The following USP24 variants were observed in gnomAD, a reference collection of about 807,000 sequenced individuals.
USP24 encodes the protein ubiquitin specific peptidase 24, also known as ubiquitin carboxyl-terminal hydrolase 24.
In USP24, 97 loss-of-function variants were observed where a neutral mutation model predicts 361.6. The observed-to-expected ratio is 0.27, with a 90% CI of 0.23 to 0.32. USP24 has a LOEUF of 0.32. Ranked by LOEUF, USP24 falls within the 10% of genes least tolerant of loss-of-function variation. The probability of loss-of-function intolerance (pLI) is 1.00; values close to 1 mark genes in which losing one functional copy is unlikely to be tolerated. For synonymous variants in USP24, 1,098 were observed against 1,124.6 expected, an observed-to-expected ratio of 0.98 and a Z score of 0.47; for missense variants, 2,353 against 3,165.6, an observed-to-expected ratio of 0.74 and a Z score of 6.16.
At chr1:55,180,807 C>G (rs1049782016) in intron 1 of USP24, among the ~76,000 whole-genome samples, 1 of 152,198 alleles carries the variant, frequency 6.6e-6, no homozygotes, top group Admixed American at 6.5e-5. Context: ...GATTTGTTTG[C>G]CCCTCACTAG....
intron 1 of USP24, among the ~76,000 whole-genome samples, chr1:55,191,165 T>A: frequency 6.6e-6 from 1 of 152,274 alleles, no homozygotes; most frequent in East Asian, 1.9e-4. Flanking sequence ...ATCTTGTGTA[T>A]TCAGTTGTTC....
At chr1:55,070,224 G>C (rs1489644725) in intron 67 of USP24, among the ~76,000 whole-genome samples, 1 of 152,114 alleles carries the variant, frequency 6.6e-6, no homozygotes, top group East Asian at 1.9e-4. Flanking sequence ...AGGTCTTTAA[G>C]GTATGCCAAG....
Position 55,178,081 on chromosome 1 carries a change from T to C in USP24, c.376A>G (p.Thr126Ala), listed in dbSNP as rs1444500071. The C allele has an allele frequency of 1.9e-6, 3 of 1,551,582 alleles. No homozygotes were observed. The highest frequency in any genetic ancestry group is 2.0e-5 in the Admixed American group (1 of 51,004). Reference protein sequence around the residue: ...CSGEGIEFPTTNLYELESRVL... With the variant: ...CSGEGIEFPTANLYELESRVL... ...CGGCTTTCCAGTTCATATAAATTTGTTGTAGGGAATTCAATTCCTTCCCCT... is the reference window on the plus strand; with the variant it reads ...CGGCTTTCCAGTTCATATAAATTTGCTGTAGGGAATTCAATTCCTTCCCCT... The change falls in exon 2 of 68, where the codon ACA (threonine) becomes GCA (alanine). Residue 126 changes from threonine (T) to alanine (A), a missense_variant. Thr to Ala is a moderately conservative substitution (Grantham distance 58, BLOSUM62 0). Transcript: ENST00000294383.
intron 51 of USP24, among the ~76,000 whole-genome samples, chr1:55,094,974 G>T (rs932447339): frequency 6.6e-6 from 1 of 152,130 alleles, no homozygotes; most frequent in African/African-American, 2.4e-5. Flanking sequence ...CTGCACTCCA[G>T]CCTGGGTGAC....
intron 1 of USP24, among the ~76,000 whole-genome samples, chr1:55,182,576 TAAGGGGGAGC>T (rs1423925236): frequency 6.6e-6 from 1 of 152,046 alleles, no homozygotes; most frequent in Non-Finnish European, 1.5e-5. Context: ...ATATTAAATC[TAAGGGGGAGC>T]AAGGGGGGAG....
intron 1 of USP24, among the ~76,000 whole-genome samples, chr1:55,200,604 C>A (rs1557703219): frequency 6.6e-6 from 1 of 152,134 alleles, no homozygotes; most frequent in Non-Finnish European, 1.5e-5. Flanking sequence ...AATAAGCTCA[C>A]TTGGATTAAC....
At chr1:55,072,461 C>G in intron 65 of USP24, 58 bp from the exon 66 acceptor site, 1 of 1,351,456 alleles carries the variant, frequency 7.4e-7, no homozygotes, top group Non-Finnish European at 1.0e-6. Context: ...CATGGGTTCA[C>G]AGTTTCTACC....
At chr1:55,185,588 T>G (rs1170344483) in intron 1 of USP24, among the ~76,000 whole-genome samples, 2 of 152,002 alleles carry the variant, frequency 1.3e-5, no homozygotes, top group African/African-American at 2.4e-5. Flanking sequence ...TGAGACAGAG[T>G]CTTGCTCTGT....
chr1:55,128,672 C>G (rs1216039024), intron 32 of USP24, among the ~76,000 whole-genome samples: 1 of 151,702 alleles, frequency 6.6e-6, no homozygotes, highest in Non-Finnish European at 1.5e-5. Flanking sequence ...CTCACCCCTC[C>G]TCCTCACAAG....
Position 55,083,687 on chromosome 1 carries a change from A to G in USP24, c.6882+85T>C, listed in dbSNP as rs1040448595. On this transcript the variant is annotated intron_variant, in intron 57 of 67. Transcript: ENST00000294383. Reference sequence around the variant, plus strand: ...AGAAACATCATAAAAAACATACCATATAGAACTTTACTATCCAGTCTAAAA... The same window carrying G: ...AGAAACATCATAAAAAACATACCATGTAGAACTTTACTATCCAGTCTAAAA... The G allele has an allele frequency of 1.4e-5, 14 of 984,416 alleles. No homozygotes were observed. The African/African-American group carries it at 1.8e-4, about 13-fold the overall frequency. The allele number at this position is 984,416 out of a possible 1,614,324, so 61.0% of individuals were successfully genotyped here.
rs1002905266 is a variant in USP24, at chr1:55,083,764, T to A, written c.6882+8A>T. The A allele has an allele frequency of 6.4e-7, 1 of 1,551,774 alleles. No homozygotes were observed. The highest frequency in any genetic ancestry group is 8.7e-7 in the Non-Finnish European group (1 of 1,149,752). ...TTAGGAAAAGATATTAGGAAAAAAA[T>A]TATTTACCTTTTGTACAAAAGTGTT... is the stretch of plus-strand genomic sequence containing the variant. On this transcript the variant is annotated splice_region_variant and intron_variant, in intron 57 of 67. Coordinates refer to ENST00000294383, the MANE Select transcript of USP24 (RefSeq NM_015306.3).
At chr1:55,136,407 G>A (rs1646736611) in intron 28 of USP24, among the ~76,000 whole-genome samples, 2 of 152,262 alleles carry the variant, frequency 1.3e-5, no homozygotes, top group East Asian at 3.9e-4. Flanking sequence ...CTTATTCTGA[G>A]TGAGACAGGA....
At chr1:55,076,612 A>T (rs1309978255) in intron 62 of USP24, among the ~76,000 whole-genome samples, 2 of 152,038 alleles carry the variant, frequency 1.3e-5, no homozygotes, top group Non-Finnish European at 2.9e-5. Flanking sequence ...TTGCCCCACC[A>T]CAGGCCTTAT....
chr1:55,213,782 A>C lies in USP24; in HGVS notation c.324+1008T>G, dbSNP rs186245640. Among the ~76,000 whole-genome samples the C allele has an allele frequency of 2.0e-3, 300 of 151,984 alleles. 2 individuals are homozygous for C. The highest frequency in any genetic ancestry group is 7.0e-3 in the African/African-American group (290 of 41,426). On this transcript the variant is annotated intron_variant, in intron 1 of 67. Coordinates refer to ENST00000294383, the MANE Select transcript of USP24 (RefSeq NM_015306.3). Reference sequence around the variant, plus strand: ...ATAGAAGAGTCCGTTTTCTTCCCCCACGTTCCTTGCTCACACCCCAAACTA... The same window carrying C: ...ATAGAAGAGTCCGTTTTCTTCCCCCCCGTTCCTTGCTCACACCCCAAACTA...
At chr1:55,072,033 G>C in intron 66 of USP24, 109 bp from the exon 67 acceptor site, 1 of 971,304 alleles carries the variant, frequency 1.0e-6, no homozygotes, top group Non-Finnish European at 1.6e-6. Flanking sequence ...CCGGAGGCCT[G>C]AGAGTGAGGC....
At chr1:55,142,266 T>C (rs1456061244) in intron 23 of USP24, among the ~76,000 whole-genome samples, 1 of 152,128 alleles carries the variant, frequency 6.6e-6, no homozygotes, top group African/African-American at 2.4e-5. Context: ...TGAGCTAGCA[T>C]TACACAGCAG....
intron 7 of USP24, 108 bp from the exon 8 acceptor site, chr1:55,162,372 G>A: frequency 1.1e-6 from 1 of 928,650 alleles, no homozygotes; most frequent in Non-Finnish European, 1.5e-6. Flanking sequence ...ATAGTGAGTT[G>A]ATCAAGTCAT....
At chr1:55,072,222 A>G in intron 66 of USP24, 95 bp downstream of exon 66, 1 of 983,566 alleles carries the variant, frequency 1.0e-6, no homozygotes, top group Non-Finnish European at 1.5e-6. Context: ...TCTTCAACTC[A>G]TACCTCTCTT....
At position 55,103,999 on chromosome 1, in the gene USP24, T is replaced by C. The variant is rs777223205; in HGVS notation, c.4902A>G (p.Arg1634=). Residue 1634 remains arginine (R), a synonymous_variant, in exon 42 of 68, where the codon CGA becomes CGG. Transcript: ENST00000294383. The part of the protein sequence containing the change: ...FHPKCSTANS[R]LAAYEVLVML... ...TCACAAGGACTTCATAGGCTGCCAA[T>C]CGGCTATTCGCTGTACTACACCTAG... The C allele has an allele frequency of 1.9e-5, 30 of 1,609,946 alleles. No individual in the cohort carries two copies. Among genetic ancestry groups the C allele is most frequent in the Middle Eastern group, 3.3e-4 (2 of 6,060 alleles).
Sources: gnomAD v4.1 joint callset for allele counts (sites outside exome capture counted in the v4.1 genomes callset) on GRCh38, gnomAD v4.1.1 for gene constraint, MANE v1.5 for transcripts, NCBI Gene and HGNC (gene_info 2026-07-23, HGNC 2026-07-21) for gene names.